PNPLA7: variants seen among roughly 807,000 people sequenced by gnomAD.
PNPLA7 encodes the protein patatin like domain 7, lysophospholipase.
A neutral mutation model predicts 161.7 loss-of-function variants in PNPLA7; 153 were observed. That is an observed-to-expected ratio of 0.95 (90% CI 0.83 to 1.08). The LOEUF is 1.08. Among genes scored for constraint, PNPLA7 ranks in the 50% least tolerant of loss-of-function variants. The pLI is 0.00. For missense variants in PNPLA7, 1,739 were observed against 1,856.6 expected (o/e 0.94, Z 1.16); for synonymous variants, 809 against 782.1 (o/e 1.03, Z -0.57).
At chr9:137,494,071 C>T (rs949854814) in intron 19 of PNPLA7, among the ~76,000 whole-genome samples, 3 of 152,124 alleles carry the variant, frequency 2.0e-5, no homozygotes, top group Admixed American at 6.5e-5. Flanking sequence ...AGGCACTGGC[C>T]GTAAAAGGCC....
At position 137,523,107 on chromosome 9, in the gene PNPLA7, G is replaced by A. The variant is rs1412792678; in HGVS notation, c.748-250C>T. On this transcript the variant is annotated intron_variant, in intron 8 of 34. Transcript: ENST00000406427. The surrounding 1 kb of genome is among the most constrained non-coding windows in gnomAD (Gnocchi z 4.4). ...GTGGGTGAGGGGAGGCCCGCAGGCA[G>A]CCACCCCACCAGACCTGGGCACTCA... Among the ~76,000 whole-genome samples the A allele has an allele frequency of 6.6e-6, 1 of 152,222 alleles. No individual in the cohort carries two copies. Among genetic ancestry groups the A allele is most frequent in the Non-Finnish European group, 1.5e-5 (1 of 68,040 alleles).
chr9:137,484,170 G>A (rs545380766), intron 21 of PNPLA7, among the ~76,000 whole-genome samples: 243 of 152,020 alleles, frequency 1.6e-3, no homozygotes, highest in South Asian at 4.6e-3. Flanking sequence ...TCCTGACCTC[G>A]GCCTCCCAAA....
At chr9:137,526,577 G>A (rs1253557363) in intron 8 of PNPLA7, among the ~76,000 whole-genome samples, 1 of 152,074 alleles carries the variant, frequency 6.6e-6, no homozygotes. Context: ...GCGCCTGGCC[G>A]ATTTTCATCC....
intron 33 of PNPLA7, 76 bp from the exon 34 acceptor site, chr9:137,460,813 A>T: frequency 7.2e-7 from 1 of 1,383,306 alleles, no homozygotes; most frequent in Non-Finnish European, 1.0e-6. Context: ...ACTCAGAGGC[A>T]GAACCGGCCA....
intron 21 of PNPLA7, 85 bp from the exon 22 acceptor site, chr9:137,481,108 G>A (rs376971145): frequency 2.0e-5 from 29 of 1,438,854 alleles, no homozygotes; most frequent in African/African-American, 1.7e-4. Context: ...GCAAGGTACC[G>A]ACGCCGAGCC....
intron 28 of PNPLA7, 98 bp from the exon 29 acceptor site, chr9:137,463,629 C>G: frequency 1.1e-6 from 1 of 880,660 alleles, no homozygotes; most frequent in African/African-American, 1.7e-5. Context: ...CTGGTAGGTC[C>G]CAACTCTCTG....
At chr9:137,517,207 C>T (rs1343596299) in intron 11 of PNPLA7, among the ~76,000 whole-genome samples, 2 of 129,224 alleles carry the variant, frequency 1.5e-5, no homozygotes, top group South Asian at 2.9e-4. Context: ...CTCCATCCCC[C>T]GTCACTCACT....
rs1252120691 is a variant in PNPLA7, at chr9:137,490,105, G to A, written c.2197+2908C>T. Among the ~76,000 whole-genome samples, 5 of 152,182 alleles carry A rather than the reference G, an allele frequency of 3.3e-5. No homozygotes were observed. The South Asian group carries it at 1.0e-3, about 31-fold the overall frequency. On this transcript the variant is annotated intron_variant, in intron 20 of 34. Coordinates refer to ENST00000406427, the MANE Select transcript of PNPLA7 (RefSeq NM_001098537.3). This position sits in a 1 kb window ranked among gnomAD's most constrained non-coding sequence, Gnocchi z 4.1. ...CAGAGAAAAACACCTTTTTGTGTGTGTGTTTTGAGGCAGGGTCTTGCTCTG... is the reference window on the plus strand; with the variant it reads ...CAGAGAAAAACACCTTTTTGTGTGTATGTTTTGAGGCAGGGTCTTGCTCTG...
chr9:137,535,607 G>T (rs1835842685), intron 8 of PNPLA7, among the ~76,000 whole-genome samples: 1 of 151,520 alleles, frequency 6.6e-6, no homozygotes, highest in African/African-American at 2.4e-5. Flanking sequence ...ACAAAAATTA[G>T]CTGGGCATGG....
intron 33 of PNPLA7, 129 bp from the exon 34 acceptor site, chr9:137,460,866 C>T (rs978149145): frequency 9.1e-6 from 7 of 767,642 alleles, no homozygotes; most frequent in Admixed American, 5.0e-5. Context: ...GGGCCCTACA[C>T]GCAGCCACCT....
Position 137,542,820 on chromosome 9 carries a change from A to G in PNPLA7, c.507-19T>C, listed in dbSNP as rs2132633686. On this transcript the variant is annotated intron_variant, in intron 6 of 34. Coordinates refer to ENST00000406427, the MANE Select transcript of PNPLA7 (RefSeq NM_001098537.3). ...CAGGACCCTGCAAGAGCCAGAGGGC[A>G]CTGTGGGACGCCCTTCCAGGGGAGG... 6.2e-7 allele frequency: 1 copy of G among 1,600,678 alleles called. No individual in the cohort carries two copies. The highest frequency in any genetic ancestry group is 8.5e-7 in the Non-Finnish European group (1 of 1,170,198).
In PNPLA7 at chr9:137,468,121, G is replaced by C. The variant is rs1464148080; in HGVS notation, c.2883-648C>G. On this transcript the variant is annotated intron_variant, in intron 25 of 34. Transcript: ENST00000406427. This position sits in a 1 kb window ranked among gnomAD's most constrained non-coding sequence, Gnocchi z 4.0. ...GAGGAGCCTGGGAAGCATCCTGAGG[G>C]GCAGCACCCCAGGAGTCAGATGAGC... is the stretch of plus-strand genomic sequence containing the variant. Among the ~76,000 whole-genome samples the C allele has an allele frequency of 2.0e-5, 3 of 151,878 alleles. No individual in the cohort carries two copies. In the East Asian group the frequency reaches 5.8e-4, roughly 30 times the overall value.
intron 14 of PNPLA7, among the ~76,000 whole-genome samples, chr9:137,502,953 G>A (rs544271084): frequency 6.7e-4 from 102 of 152,018 alleles, no homozygotes; most frequent in East Asian, 3.3e-3. Flanking sequence ...CGAACGGTAC[G>A]GAAGGGGTGC....
chr9:137,516,413 G>C lies in PNPLA7; in HGVS notation c.1085-894C>G, dbSNP rs570358847. The C allele has an allele frequency of 5.7e-5, 56 of 985,082 alleles. No individual in the cohort carries two copies. In the African/African-American group the frequency reaches 9.6e-4, roughly 17 times the overall value. The allele number at this position is 985,082 out of a possible 1,614,324, so 61.0% of individuals were successfully genotyped here. A position where few individuals can be genotyped will look rare whatever the true frequency, so the allele number is the denominator to read the frequency against. On this transcript the variant is annotated intron_variant, in intron 11 of 34. Coordinates refer to ENST00000406427, the MANE Select transcript of PNPLA7 (RefSeq NM_001098537.3). Reference sequence around the variant, plus strand: ...GAGGCCCATGAGCACCCCCGGCCCTGGTCTCTGCCAAGACCTCATCCAGGA... The same window carrying C: ...GAGGCCCATGAGCACCCCCGGCCCTCGTCTCTGCCAAGACCTCATCCAGGA...
intron 32 of PNPLA7, 86 bp from the exon 33 acceptor site, chr9:137,461,706 CCCTGCGCCCTCTCTGCAGCCTCCG>C: frequency 7.2e-7 from 1 of 1,386,390 alleles, no homozygotes; most frequent in East Asian, 2.5e-5. Context: ...GCCCCACCCA[CCCTGCGCCCTCTCTGCAGCCTCCG>C]CCTGCCCCCC....
rs1285430024 is a variant in PNPLA7 at position 137,460,424 on chromosome 9, A to C, written c.3998T>G (p.Leu1333Arg). The C allele has an allele frequency of 2.5e-6, 4 of 1,612,666 alleles. No homozygotes were observed. The highest frequency in any genetic ancestry group is 3.4e-6 in the Non-Finnish European group (4 of 1,179,882). The stretch of plus-strand genomic sequence containing the variant: ...GTCCTGGTCAGAGGAGCCCTCAGAC[A>C]GTTTTGGGAAAGCCAGACTGGGGTG... ...HRHPSLAFPK[L>R]SEGSSDQDG Residue 1333 changes from leucine to arginine, a missense_variant, in exon 35 of 35, where the codon CTG becomes CGG. Physicochemically the swap from Leu to Arg is moderately radical, Grantham distance 102 (BLOSUM62 -2). Around this residue, in one of 6 missense-constraint regions of PNPLA7, gnomAD observed 703 missense variants for 694.6 expected, o/e 1.01. Coordinates refer to ENST00000406427, the MANE Select transcript of PNPLA7 (RefSeq NM_001098537.3).
Position 137,497,178 on chromosome 9 carries a change from A to AGAGGTT in PNPLA7, c.2013+8_2013+9insAACCTC. On this transcript the variant is annotated intron_variant, in intron 18 of 34. Coordinates refer to ENST00000406427, the MANE Select transcript of PNPLA7 (RefSeq NM_001098537.3). ...GGTGGGGGAGGCAGGAGCAGGGCCC[A>AGAGGTT]GCACCTACCACGCCGACGAGGTCTC... The AGAGGTT allele has an allele frequency of 6.4e-7, 1 of 1,565,412 alleles. No individual in the cohort carries two copies. Among genetic ancestry groups the AGAGGTT allele is most frequent in the Non-Finnish European group, 8.6e-7 (1 of 1,157,242 alleles).
intron 23 of PNPLA7, chr9:137,479,960 A>T: frequency 3.2e-6 from 3 of 926,062 alleles, no homozygotes; most frequent in Non-Finnish European, 3.9e-6. Context: ...CGACGCCGAC[A>T]CCTAAGTGCT....
chr9:137,507,075 G>A (rs1216565656), intron 12 of PNPLA7, among the ~76,000 whole-genome samples: 2 of 152,246 alleles, frequency 1.3e-5, no homozygotes, highest in South Asian at 2.1e-4. Flanking sequence ...AGCCAGGAGC[G>A]CTGGGCCTTG....
Sources: gnomAD v4.1 joint callset for allele counts (sites outside exome capture counted in the v4.1 genomes callset) on GRCh38, gnomAD v4.1.1 for gene constraint, gnomAD v4.1.1 regional missense constraint, Gnocchi (gnomAD v3.1) non-coding constraint, MANE v1.5 for transcripts, NCBI Gene and HGNC (gene_info 2026-07-23, HGNC 2026-07-21) for gene names.